LRP6: variants seen among roughly 807,000 people sequenced by gnomAD.
LRP6 encodes the protein low-density lipoprotein receptor-related protein 6.
A neutral mutation model predicts 184.1 loss-of-function variants in LRP6; 43 were observed. The ratio of observed to expected loss-of-function variants is 0.23; its 90% confidence interval spans 0.18 to 0.30. The LOEUF (loss-of-function observed/expected upper bound fraction) is 0.30. Ranked by LOEUF, LRP6 falls within the 10% of genes least tolerant of loss-of-function variation. The probability of loss-of-function intolerance (pLI) is 1.00; values close to 1 mark genes in which losing one functional copy is unlikely to be tolerated. For synonymous variants in LRP6, 719 were observed against 684.9 expected (o/e 1.05, Z -0.78); for missense variants, 1,571 against 2,005.3 (o/e 0.78, Z 4.14).
At chr12:12,150,190 T>C (rs1012874211) in intron 13 of LRP6, among the ~76,000 whole-genome samples, 1 of 152,164 alleles carries the variant, frequency 6.6e-6, no homozygotes, top group East Asian at 1.9e-4. Context: ...GAAGTATCGA[T>C]AGTGATGTGT....
chr12:12,128,005 C>T (rs1949697310), intron 19 of LRP6, among the ~76,000 whole-genome samples: 2 of 152,134 alleles, frequency 1.3e-5, no homozygotes, highest in Admixed American at 1.3e-4. Context: ...TTTTAGTCCC[C>T]TAACATTCCT....
chr12:12,162,198 G>A lies in LRP6; in HGVS notation c.2274C>T (p.Ala758=), dbSNP rs766407007. 1.5e-5 allele frequency: 25 copies of A among 1,613,548 alleles called. No individual in the cohort carries two copies. The highest frequency in any genetic ancestry group is 8.9e-5 in the East Asian group (4 of 44,894). ...GCACATGTAAAGCTGTTTACCCTTC[G>A]GCAGGGTCCAACGCGAGAGCTCTGG... ...DSPRALALDP[A]EGFMYWTEWG... The change falls in exon 10 of 23, where the codon GCC becomes GCT. Residue 758 remains alanine, a synonymous_variant. Coordinates refer to ENST00000261349, the MANE Select transcript of LRP6 (RefSeq NM_002336.3).
At chr12:12,124,962 A>G (rs1289412933) in intron 21 of LRP6, among the ~76,000 whole-genome samples, 1 of 152,202 alleles carries the variant, frequency 6.6e-6, no homozygotes, top group Non-Finnish European at 1.5e-5. Context: ...GAGAAAAATT[A>G]TTGATTTAGG....
intron 2 of LRP6, among the ~76,000 whole-genome samples, chr12:12,222,773 T>C (rs1864525520): frequency 6.6e-6 from 1 of 152,118 alleles, no homozygotes; most frequent in Admixed American, 6.6e-5. Flanking sequence ...ATCTGCACTG[T>C]AATAAGAGAA....
chr12:12,180,084 G>T, intron 6 of LRP6, 103 bp from the exon 7 acceptor site: 6 of 850,806 alleles, frequency 7.1e-6, no homozygotes, highest in Non-Finnish European at 1.1e-5. Flanking sequence ...GGTATCATCA[G>T]TTAATGCCAA....
intron 1 of LRP6, among the ~76,000 whole-genome samples, chr12:12,259,008 G>A (rs1865544686): frequency 6.6e-6 from 1 of 152,114 alleles, no homozygotes; most frequent in South Asian, 2.1e-4. Flanking sequence ...ACGCCTGTAA[G>A]CCCAGCACTT....
intron 19 of LRP6, among the ~76,000 whole-genome samples, chr12:12,128,771 G>A (rs1949708018): frequency 6.6e-6 from 1 of 152,156 alleles, no homozygotes; most frequent in Non-Finnish European, 1.5e-5. Flanking sequence ...TTGGTTTTCA[G>A]TTCCTGCTAT....
intron 19 of LRP6, among the ~76,000 whole-genome samples, chr12:12,129,206 T>C (rs542665787): frequency 1.5e-4 from 23 of 152,342 alleles, no homozygotes; most frequent in Non-Finnish European, 2.9e-4. Context: ...CAGATTTCCC[T>C]GCCTATAAGC....
At chr12:12,242,462 C>T (rs1156832251) in intron 2 of LRP6, among the ~76,000 whole-genome samples, 8 of 152,170 alleles carry the variant, frequency 5.3e-5, no homozygotes, top group Admixed American at 3.3e-4. Context: ...CTTTTCACCA[C>T]GGTATTCTTC....
chr12:12,132,019 T>A lies in LRP6; in HGVS notation c.3772A>T (p.Thr1258Ser). The A allele has an allele frequency of 6.2e-7, 1 of 1,614,076 alleles. No individual in the cohort carries two copies. Among genetic ancestry groups the A allele is most frequent in the East Asian group, 2.2e-5 (1 of 44,874 alleles). Reference sequence around the variant, plus strand: ...ACAGGGATACAGTCAATTTCCCCCGTGAAACAAGTAAACTGCTGAGGAGAA... The same window carrying A: ...ACAGGGATACAGTCAATTTCCCCCGAGAAACAAGTAAACTGCTGAGGAGAA... ...TCSPQQFTCF[T>S]GEIDCIPVAW... Residue 1258 changes from threonine to serine, a missense_variant, in exon 18 of 23, where the codon ACG (threonine) becomes TCG (serine). By Grantham distance (58) the Thr-to-Ser change is moderately conservative. Around this residue, in one of 4 missense-constraint regions of LRP6, gnomAD observed 763 missense variants for 859.5 expected, o/e 0.89. Coordinates refer to ENST00000261349, the MANE Select transcript of LRP6 (RefSeq NM_002336.3).
intron 2 of LRP6, among the ~76,000 whole-genome samples, chr12:12,240,592 T>A (rs1865039272): frequency 6.6e-6 from 1 of 151,868 alleles, no homozygotes; most frequent in South Asian, 2.1e-4. Context: ...AAATAAATAA[T>A]AAATAAAAAT....
At chr12:12,185,597 A>G (rs1245963371) in intron 4 of LRP6, among the ~76,000 whole-genome samples, 3 of 152,178 alleles carry the variant, frequency 2.0e-5, no homozygotes, top group Non-Finnish European at 2.9e-5. Context: ...AACCCTTAAC[A>G]TTCTCGTATT....
intron 2 of LRP6, among the ~76,000 whole-genome samples, chr12:12,233,346 T>C (rs1864841222): frequency 6.6e-6 from 1 of 152,094 alleles, no homozygotes; most frequent in Non-Finnish European, 1.5e-5. Flanking sequence ...TGGGTGCTTA[T>C]AGTCCCAGCT....
rs1430082176 is a variant in LRP6, at chr12:12,205,792, GA to G, written c.450-2393del. Among the ~76,000 whole-genome samples, 3 of 152,258 alleles carry G rather than the reference GA, an allele frequency of 2.0e-5. No individual in the cohort carries two copies. The East Asian group carries it at 5.8e-4, about 29-fold the overall frequency. ...TGTGTATGTCATGGGTCAGAGCCTT[GA>G]TTTTTAAAGAAGAGAAAGCAAAATG... On this transcript the variant is annotated intron_variant, in intron 2 of 22. Transcript: ENST00000261349.
chr12:12,232,645 T>TA (rs907671795), intron 2 of LRP6, among the ~76,000 whole-genome samples: 1 of 146,714 alleles, frequency 6.8e-6, no homozygotes, highest in African/African-American at 2.5e-5. Context: ...AACAACTTGA[T>TA]AGAGATTATA....
chr12:12,262,380 A>C (rs191718194), intron 1 of LRP6, among the ~76,000 whole-genome samples: 21 of 152,140 alleles, frequency 1.4e-4, no homozygotes, highest in African/African-American at 5.1e-4. Flanking sequence ...TACCGTCTCA[A>C]AAACCAAAAA....
chr12:12,248,150 G>A (rs1865233407), intron 1 of LRP6, among the ~76,000 whole-genome samples: 1 of 152,066 alleles, frequency 6.6e-6, no homozygotes, highest in South Asian at 2.1e-4. Flanking sequence ...TCCTCCTAAG[G>A]CTAAAGCAAT....
intron 19 of LRP6, among the ~76,000 whole-genome samples, chr12:12,129,584 G>A (rs376343059): frequency 1.3e-5 from 2 of 151,196 alleles, no homozygotes; most frequent in Admixed American, 6.6e-5. Context: ...ATGGAGTCTC[G>A]CCCTGTCGCC....
In LRP6 at chr12:12,158,930, T is replaced by C. The variant is rs1158191286; in HGVS notation, c.2690A>G (p.Asn897Ser). ...CAAGCAGAGGTGGGAGCAGTGCCCA[T>C]TGCTGGAAGCACATTCATTCCACCC... ...QSGWNECASS[N>S]GHCSHLCLAV... The change falls in exon 12 of 23, where the codon AAT (asparagine) becomes AGT (serine). Residue 897 changes from asparagine (N) to serine (S), a missense_variant. Transcript: ENST00000261349. The C allele has an allele frequency of 3.1e-6, 5 of 1,614,212 alleles. No homozygotes were observed. The Admixed American group carries it at 5.0e-5, about 16-fold the overall frequency.
Sources: gnomAD v4.1 joint callset for allele counts (sites outside exome capture counted in the v4.1 genomes callset) on GRCh38, gnomAD v4.1.1 for gene constraint, gnomAD v4.1.1 regional missense constraint, MANE v1.5 for transcripts, NCBI Gene and HGNC (gene_info 2026-07-23, HGNC 2026-07-21) for gene names.